The following CDH13 variants were observed in gnomAD, a reference collection of about 807,000 sequenced individuals.
The protein encoded by CDH13 is cadherin-13.
A neutral mutation model predicts 63.8 loss-of-function variants in CDH13; 24 were observed. The ratio of observed to expected loss-of-function variants is 0.38; its 90% CI spans 0.27 to 0.53. CDH13 has a LOEUF of 0.53. Among genes scored for constraint, CDH13 ranks in the 20% least tolerant of loss-of-function variants. CDH13 has a pLI of 0.85. For synonymous variants in CDH13, 503 were observed against 355.3 expected (o/e 1.42, Z -4.67); for missense variants, 1,049 against 903.1 (o/e 1.16, Z -2.07).
At chr16:83,099,217 G>C (rs1368801946) in intron 3 of CDH13, among the ~76,000 whole-genome samples, 1 of 152,142 alleles carries the variant, frequency 6.6e-6, no homozygotes, top group African/African-American at 2.4e-5. Context: ...TACAAAGTAT[G>C]TTTACACAAA....
intron 2 of CDH13, among the ~76,000 whole-genome samples, chr16:83,007,959 G>T (rs1913719244): frequency 1.3e-5 from 2 of 151,894 alleles, no homozygotes; most frequent in African/African-American, 2.4e-5. Flanking sequence ...TTCCTCAATT[G>T]TTCCTACCTA....
chr16:83,003,367 C>G (rs1913140959), intron 2 of CDH13, among the ~76,000 whole-genome samples: 2 of 151,368 alleles, frequency 1.3e-5, no homozygotes, highest in South Asian at 4.2e-4. Flanking sequence ...GATAATTTAT[C>G]TATTTAACTG....
intron 6 of CDH13, among the ~76,000 whole-genome samples, chr16:83,418,950 G>A (rs1294900226): frequency 6.6e-6 from 1 of 152,136 alleles, no homozygotes; most frequent in Non-Finnish European, 1.5e-5. Flanking sequence ...GATAGGGAAT[G>A]GCAAAGCCCC....
intron 3 of CDH13, among the ~76,000 whole-genome samples, chr16:83,048,676 A>T (rs762414260): frequency 3.3e-5 from 5 of 151,788 alleles, no homozygotes; most frequent in Non-Finnish European, 5.9e-5. Context: ...AGAAAGACCG[A>T]TTCTTCCTCC....
At chr16:83,050,293 C>T (rs1020929146) in intron 3 of CDH13, among the ~76,000 whole-genome samples, 1 of 152,062 alleles carries the variant, frequency 6.6e-6, no homozygotes, top group Non-Finnish European at 1.5e-5. Flanking sequence ...CTTTGAGAAA[C>T]CACCCAACTG....
chr16:83,078,011 G>A (rs370183100), intron 3 of CDH13, among the ~76,000 whole-genome samples: 10 of 152,060 alleles, frequency 6.6e-5, no homozygotes, highest in Non-Finnish European at 1.2e-4. Flanking sequence ...CATTTTGTTC[G>A]TTTATTGGCT....
At chr16:83,024,146 T>G (rs916085351) in intron 2 of CDH13, among the ~76,000 whole-genome samples, 2 of 152,302 alleles carry the variant, frequency 1.3e-5, no homozygotes, top group Admixed American at 6.5e-5. Flanking sequence ...TGGCAAGGAA[T>G]GTAGTACCAG....
intron 1 of CDH13, among the ~76,000 whole-genome samples, chr16:82,804,084 T>A (rs1322338844): frequency 1.4e-5 from 2 of 144,886 alleles, no homozygotes; most frequent in African/African-American, 2.7e-5. Context: ...AAAAATTAGC[T>A]GGGCGTGGTG....
intron 4 of CDH13, among the ~76,000 whole-genome samples, chr16:83,216,337 C>A (rs552442490): frequency 7.3e-6 from 1 of 137,858 alleles, no homozygotes; most frequent in East Asian, 2.2e-4. Flanking sequence ...CTGACTCATT[C>A]TATCTCAGTG....
intron 10 of CDH13, among the ~76,000 whole-genome samples, chr16:83,737,506 G>C (rs771776224): frequency 6.6e-6 from 1 of 151,710 alleles, no homozygotes; most frequent in Non-Finnish European, 1.5e-5. Context: ...ATGTAATAGG[G>C]TTCTTTTTTT....
intron 1 of CDH13, among the ~76,000 whole-genome samples, chr16:82,820,632 G>A (rs1000735383): frequency 3.9e-5 from 6 of 152,140 alleles, no homozygotes; most frequent in Non-Finnish European, 7.4e-5. Context: ...CTACATGACA[G>A]GTCTGTGATC....
intron 10 of CDH13, among the ~76,000 whole-genome samples, chr16:83,731,754 C>T (rs569860559): frequency 1.3e-5 from 2 of 152,272 alleles, no homozygotes; most frequent in African/African-American, 2.4e-5. Context: ...CTTTTCTCGT[C>T]TTCTGGCAAG....
intron 2 of CDH13, among the ~76,000 whole-genome samples, chr16:83,000,665 C>T (rs1311405504): frequency 1.3e-5 from 2 of 150,714 alleles, no homozygotes; most frequent in East Asian, 1.9e-4. Context: ...CTGCAAGCTC[C>T]GCCTCCTGGG....
intron 5 of CDH13, among the ~76,000 whole-genome samples, chr16:83,262,126 T>A (rs947814358): frequency 2.0e-5 from 3 of 152,214 alleles, no homozygotes; most frequent in Non-Finnish European, 4.4e-5. Flanking sequence ...GACACACAAC[T>A]GGCTTATTGT....
intron 4 of CDH13, among the ~76,000 whole-genome samples, chr16:83,200,905 T>C (rs935939192): frequency 1.3e-5 from 2 of 150,072 alleles, no homozygotes; most frequent in African/African-American, 2.5e-5. Flanking sequence ...GGGAGCAAGA[T>C]TCTCTAGTCT....
At chr16:82,900,760 G>C (rs963810578) in intron 2 of CDH13, among the ~76,000 whole-genome samples, 9 of 152,204 alleles carry the variant, frequency 5.9e-5, no homozygotes, top group Non-Finnish European at 7.3e-5. Context: ...ATTTCTGCCC[G>C]GCCGTTAGCT....
intron 1 of CDH13, among the ~76,000 whole-genome samples, chr16:82,738,547 C>T (rs2151049200): frequency 6.6e-6 from 1 of 152,338 alleles, no homozygotes; most frequent in African/African-American, 2.4e-5. Context: ...GTAGTTAGCC[C>T]TCCGCTACCT....
At chr16:83,425,080 C>T (rs967378678) in intron 6 of CDH13, among the ~76,000 whole-genome samples, 2 of 152,182 alleles carry the variant, frequency 1.3e-5, no homozygotes, top group Admixed American at 6.5e-5. Context: ...TGCTTACAAC[C>T]TCGGTCAAGA....
chr16:83,515,944 G>C (rs1331774407), intron 7 of CDH13, among the ~76,000 whole-genome samples: 1 of 152,086 alleles, frequency 6.6e-6, no homozygotes, highest in African/African-American at 2.4e-5. Flanking sequence ...GCTGATATTT[G>C]GGTATAATAT....
Sources: gnomAD v4.1 joint callset for allele counts (sites outside exome capture counted in the v4.1 genomes callset) on GRCh38, gnomAD v4.1.1 for gene constraint, MANE v1.5 for transcripts, NCBI Gene and HGNC (gene_info 2026-07-23, HGNC 2026-07-21) for gene names.